LTBP2: variants seen among roughly 807,000 people sequenced by gnomAD.
LTBP2 encodes the protein latent transforming growth factor beta binding protein 2.
LTBP2 carries 103 observed loss-of-function variants against 210.6 expected under a neutral mutation model. The observed-to-expected ratio is 0.49, with a 90% CI of 0.42 to 0.58. The LOEUF (loss-of-function observed/expected upper bound fraction) is 0.58. LTBP2 is among the 20% of genes least tolerant of loss of function. The pLI is 0.00. For missense variants in LTBP2, 2,313 were observed against 2,494.5 expected, an observed-to-expected ratio of 0.93 and a Z score of 1.55; for synonymous variants, 1,007 against 1,015.0, an observed-to-expected ratio of 0.99 and a Z score of 0.15.
Position 74,505,038 on chromosome 14 carries a change from G to A in LTBP2, c.4314C>T (p.Cys1438=), listed in dbSNP as rs778928237. 1 of 1,614,080 alleles carries A rather than the reference G, an allele frequency of 6.2e-7. No individual in the cohort carries two copies. Among genetic ancestry groups the A allele is most frequent in the African/African-American group, 1.3e-5 (1 of 74,934 alleles). ...GRNTTQAECC[C]TQGASWGDAC... Reference sequence around the variant, plus strand: ...CATCTCCCCAGCTAGCGCCCTGGGTGCAGCAGCATTCAGCCTGTGTGGTGT... The same window carrying A: ...CATCTCCCCAGCTAGCGCCCTGGGTACAGCAGCATTCAGCCTGTGTGGTGT... Residue 1438 remains cysteine, a synonymous_variant, in exon 29 of 36, where the codon TGC becomes TGT. Coordinates refer to ENST00000261978, the MANE Select transcript of LTBP2 (RefSeq NM_000428.3).
At chr14:74,579,275 G>A (rs776085005) in intron 3 of LTBP2, among the ~76,000 whole-genome samples, 11 of 152,196 alleles carry the variant, frequency 7.2e-5, no homozygotes, top group South Asian at 6.2e-4. Flanking sequence ...GGGTCTCCCC[G>A]GCAGTGGCTC....
At position 74,506,759 on chromosome 14, in the gene LTBP2, G is replaced by A; in HGVS notation, c.3972C>T (p.Gly1324=). Residue 1324 remains glycine, a synonymous_variant, in exon 27 of 36, where the codon GGC becomes GGT. Coordinates refer to ENST00000261978, the MANE Select transcript of LTBP2 (RefSeq NM_000428.3). ...CCTGGTCACAGAGGCAGCGGAAGGA[G>A]CCATCAGTGTTGTCACAGAAGCCGT... ...GSHGFCDNTD[G]SFRCLCDQGF... 6.2e-7 allele frequency: 1 copy of A among 1,614,052 alleles called. No homozygotes were observed.
Position 74,528,632 on chromosome 14 carries a change from G to A in LTBP2, c.2219C>T (p.Ser740Phe). ...YTYASSDIRL[S>F]MRKAEEEELA... The stretch of plus-strand genomic sequence containing the variant: ...TTCCTCCTCCTCGGCTTTCCTCATG[G>A]ACAGGCGGATGTCGGAGCTCGCGTA... The change falls in exon 12 of 36, where the codon TCC (serine) becomes TTC (phenylalanine). Residue 740 changes from serine to phenylalanine, a missense_variant. This residue lies in a region of LTBP2 where 1,867 missense variants were observed against 1,976.9 expected (regional missense o/e 0.94). Transcript: ENST00000261978. 6.2e-7 allele frequency: 1 copy of A among 1,613,552 alleles called. No homozygotes were observed. The highest frequency in any genetic ancestry group is 8.5e-7 in the Non-Finnish European group (1 of 1,180,046).
chr14:74,518,431 T>C (rs1195784098), intron 17 of LTBP2, among the ~76,000 whole-genome samples: 1 of 152,148 alleles, frequency 6.6e-6, no homozygotes, highest in Non-Finnish European at 1.5e-5. Flanking sequence ...CCTCAGGACC[T>C]GTTCCTGAGC....
chr14:74,585,934 A>C lies in LTBP2; in HGVS notation c.750T>G (p.Ser250Arg), dbSNP rs1162725516. Residue 250 changes from serine to arginine, a missense_variant, in exon 3 of 36, where the codon AGT becomes AGG. Physicochemically the swap from Ser to Arg is moderately radical, Grantham distance 110. Coordinates refer to ENST00000261978, the MANE Select transcript of LTBP2 (RefSeq NM_000428.3). ...TGGCCAAGGTGCCCTCTCCAGCCGC[A>C]CTGCTCCTGCGCAGGTTGGGTGAAC... ...AERSPNLRRS[S>R]AAGEGTLARA... 6.2e-7 allele frequency: 1 copy of C among 1,613,838 alleles called. No homozygotes were observed. The highest frequency in any genetic ancestry group is 8.5e-7 in the Non-Finnish European group (1 of 1,179,908).
At chr14:74,542,876 C>T (rs768632163) in intron 8 of LTBP2, among the ~76,000 whole-genome samples, 1 of 151,600 alleles carries the variant, frequency 6.6e-6, no homozygotes, top group East Asian at 2.0e-4. Context: ...AAGCAATTCT[C>T]CTGCCTCAGC....
In LTBP2 at chr14:74,507,232, C is replaced by G; in HGVS notation, c.3854G>C (p.Cys1285Ser). 6.2e-7 allele frequency: 1 copy of G among 1,614,240 alleles called. No individual in the cohort carries two copies. Among genetic ancestry groups the G allele is most frequent in the Non-Finnish European group, 8.5e-7 (1 of 1,180,034 alleles). Reference sequence around the variant, plus strand: ...GAAGCCAGGCTGGCAGCCCAGAACACAGCGGTAGGAGCCAGGGCTGTTTTC... The same window carrying G: ...GAAGCCAGGCTGGCAGCCCAGAACAGAGCGGTAGGAGCCAGGGCTGTTTTC... ...KCENSPGSYR[C>S]VLGCQPGFHM... The change falls in exon 26 of 36, where the codon TGT becomes TCT. Residue 1285 changes from cysteine to serine, a missense_variant. By Grantham distance (112) the Cys-to-Ser change is moderately radical (BLOSUM62 -1). Transcript: ENST00000261978.
chr14:74,580,961 AT>A (rs1249798144), intron 3 of LTBP2, among the ~76,000 whole-genome samples: 4 of 152,098 alleles, frequency 2.6e-5, no homozygotes, highest in African/African-American at 9.7e-5. Context: ...TCAAAAAAAA[AT>A]AATAATAATA....
intron 16 of LTBP2, among the ~76,000 whole-genome samples, chr14:74,522,263 C>T (rs2087214987): frequency 6.6e-6 from 1 of 152,200 alleles, no homozygotes; most frequent in Non-Finnish European, 1.5e-5. Flanking sequence ...CTGCCAGCCC[C>T]TCCTATCTGC....
chr14:74,511,942 T>A lies in LTBP2; in HGVS notation c.2909-578A>T, dbSNP rs1399371375. Among the ~76,000 whole-genome samples, 4 of 152,304 alleles carry A rather than the reference T, an allele frequency of 2.6e-5. No homozygotes were observed. In the East Asian group the frequency reaches 7.7e-4, roughly 29 times the overall value. On this transcript the variant is annotated intron_variant, in intron 18 of 35. Transcript: ENST00000261978. ...TCTCTGCTGGAGAGCTGTCAGACATTTCTTCCAGCCAAGAATCATGTAGGG... is the reference window on the plus strand; with the variant it reads ...TCTCTGCTGGAGAGCTGTCAGACATATCTTCCAGCCAAGAATCATGTAGGG...
intron 4 of LTBP2, among the ~76,000 whole-genome samples, 162 bp downstream of exon 4, chr14:74,555,341 C>G (rs991267280): frequency 6.6e-6 from 1 of 152,030 alleles, no homozygotes; most frequent in African/African-American, 2.4e-5. Flanking sequence ...CCCTGGACCC[C>G]GGCACAAAGC....
intron 8 of LTBP2, among the ~76,000 whole-genome samples, chr14:74,545,975 T>C (rs991050017): frequency 6.6e-6 from 1 of 152,172 alleles, no homozygotes; most frequent in East Asian, 1.9e-4. Flanking sequence ...ACCTATGCCA[T>C]GCAATTAAGA....
chr14:74,579,533 G>A (rs1227408818), intron 3 of LTBP2, among the ~76,000 whole-genome samples: 4 of 152,224 alleles, frequency 2.6e-5, no homozygotes, highest in African/African-American at 7.2e-5. Context: ...CTGTGGAGCC[G>A]TGGAGGCTGA....
chr14:74,562,205 C>T (rs1029158355), intron 3 of LTBP2, among the ~76,000 whole-genome samples: 6 of 149,044 alleles, frequency 4.0e-5, no homozygotes, highest in African/African-American at 9.9e-5. Context: ...AGTGAGACTC[C>T]GTCTCAGAAA....
intron 2 of LTBP2, among the ~76,000 whole-genome samples, chr14:74,591,019 C>A (rs1340521578): frequency 2.6e-5 from 4 of 152,198 alleles, no homozygotes; most frequent in Admixed American, 2.6e-4. Context: ...AAAATAAGAT[C>A]TTTCACTGTC....
chr14:74,512,424 T>C (rs2087083071), intron 18 of LTBP2, among the ~76,000 whole-genome samples: 1 of 152,128 alleles, frequency 6.6e-6, no homozygotes, highest in Non-Finnish European at 1.5e-5. Context: ...TCAGCACCTA[T>C]GGAGGAAGTG....
intron 13 of LTBP2, among the ~76,000 whole-genome samples, chr14:74,526,930 C>T (rs1031692723): frequency 9.2e-5 from 14 of 152,158 alleles, no homozygotes; most frequent in African/African-American, 2.7e-4. Flanking sequence ...CTTCCCTGTA[C>T]ACCACTCCCA....
intron 9 of LTBP2, among the ~76,000 whole-genome samples, chr14:74,535,438 C>A (rs971098113): frequency 6.6e-6 from 1 of 152,202 alleles, no homozygotes. Context: ...CCCCCGTGCT[C>A]CCCGTCCCCT....
intron 3 of LTBP2, among the ~76,000 whole-genome samples, chr14:74,578,402 T>C (rs2088090093): frequency 6.6e-6 from 1 of 152,112 alleles, no homozygotes; most frequent in Admixed American, 6.5e-5. Context: ...GTCAAAGAAA[T>C]TGAGTTTCAG....
Sources: allele counts gnomAD v4.1 joint callset (sites outside exome capture counted in the v4.1 genomes callset), GRCh38; gene constraint gnomAD v4.1.1; regional missense constraint gnomAD v4.1.1; transcripts MANE v1.5; gene names NCBI Gene and HGNC (gene_info 2026-07-23, HGNC 2026-07-21).